Variants in DNASE1 observed in about 807,000 individuals in gnomAD.
DNASE1 encodes deoxyribonuclease 1, also known as deoxyribonuclease-1.
In DNASE1, 40 loss-of-function variants were observed where a neutral mutation model predicts 33.9. That is an observed-to-expected ratio of 1.18 (90% CI 0.92 to 1.54). The LOEUF (loss-of-function observed/expected upper bound fraction) is 1.54. Ranked by LOEUF, DNASE1 falls within the 40% of genes most tolerant of loss-of-function variation. DNASE1 has a pLI of 0.00. For synonymous variants in DNASE1, 216 were observed against 160.0 expected, an observed-to-expected ratio of 1.35 and a Z score of -2.64; for missense variants, 518 against 372.6, an observed-to-expected ratio of 1.39 and a Z score of -3.21.
intron 1 of DNASE1, 45 bp from the exon 2 acceptor site, chr16:3,655,328 T>G (rs1167943612): frequency 1.2e-6 from 2 of 1,612,124 alleles, no homozygotes; most frequent in Admixed American, 1.7e-5. Context: ...GTGGCAGGGA[T>G]GACGTCTCAC....
upstream of DNASE1, chr16:3,651,022 T>C (rs953664462): frequency 2.6e-5 from 4 of 152,214 alleles, no homozygotes; most frequent in Non-Finnish European, 5.9e-5. Flanking sequence ...TGTGAGTTCA[T>C]GGGGGTGCCT....
chr16:3,651,074 TCCCTCTTGATCAGTAGAAGGGTA>T (rs778933150), upstream of DNASE1: 17 of 152,320 alleles, frequency 1.1e-4, no homozygotes, highest in Non-Finnish European at 2.1e-4. Flanking sequence ...CTTCCCGCTT[TCCCTCTTGATCAGTAGAAGGGTA>T]CCCTCCCTGG....
chr16:3,624,421 T>C (rs2041433470), intron 1 of DNASE1, among the ~76,000 whole-genome samples: 1 of 152,252 alleles, frequency 6.6e-6, no homozygotes, highest in African/African-American at 2.4e-5. Context: ...AGGCACCTGG[T>C]GGTGCTCTAG....
At chr16:3,650,363 T>C (rs2042296316), upstream of DNASE1, among the ~76,000 whole-genome samples, 1 of 152,070 alleles carries the variant, frequency 6.6e-6, no homozygotes, top group Non-Finnish European at 1.5e-5. Flanking sequence ...ATAAGGCTAA[T>C]TTGTATTAAT....
chr16:3,661,711 G>A (rs2043086504), downstream of DNASE1: 1 of 379,532 alleles, frequency 2.6e-6, no homozygotes, highest in South Asian at 1.1e-4. Flanking sequence ...GCATGTCCAG[G>A]ACACGCACAG....
At chr16:3,655,987 C>G (rs1395499117) in intron 3 of DNASE1, 50 bp downstream of exon 3, 3 of 1,612,442 alleles carry the variant, frequency 1.9e-6, no homozygotes, top group South Asian at 1.1e-5. Flanking sequence ...GTCCACGGCA[C>G]AGCCTCACTT....
chr16:3,633,909 C>T lies in DNASE1; in HGVS notation c.-1358-6806C>T, dbSNP rs148010939. Among the ~76,000 whole-genome samples the T allele has an allele frequency of 4.0e-3, 612 of 151,894 alleles. 4 individuals carry two copies. The highest frequency in any genetic ancestry group is 0.014 in the African/African-American group (566 of 41,440). ...CTGCAAGCTCTGGATTCCGGATTCA[C>T]ACCATTCTCCTACCTCAGCCTCCCA... is the stretch of plus-strand genomic sequence containing the variant. On this transcript the variant is annotated intron_variant and NMD_transcript_variant, in intron 1 of 11. Transcript: ENST00000570769.
chr16:3,657,459 T>G, intron 7 of DNASE1, 118 bp downstream of exon 7: 1 of 1,403,410 alleles, frequency 7.1e-7, no homozygotes, highest in Non-Finnish European at 9.7e-7. Context: ...GAGCTTCAGT[T>G]GATCCACTAC....
In DNASE1 at chr16:3,664,385, G is replaced by A. The variant is rs555130426; in HGVS notation, c.*6432G>A. The A allele has an allele frequency of 3.5e-5, 56 of 1,612,342 alleles. 1 individual carries two copies. The East Asian group carries it at 4.9e-4, about 14-fold the overall frequency. ...GGGTGCCGGCCCGCATGCGGCTGGC[G>A]TATTCTGAGAGGCTGGTTAGCTGCC... On this transcript the variant is annotated 3_prime_UTR_variant, in exon 10 of 10. Transcript: ENST00000407479.
At chr16:3,616,841 C>T (rs2041120871) in intron 1 of DNASE1, among the ~76,000 whole-genome samples, 1 of 152,030 alleles carries the variant, frequency 6.6e-6, no homozygotes. Context: ...GAAATAAACC[C>T]TTATATTTAT....
chr16:3,612,617 C>G (rs2040934672), intron 1 of DNASE1, among the ~76,000 whole-genome samples: 1 of 149,596 alleles, frequency 6.7e-6, no homozygotes, highest in Non-Finnish European at 1.5e-5. Flanking sequence ...ACTATGTTGC[C>G]CAGGCTGGTC....
At chr16:3,664,543 G>A (rs1443728143) in exon 10 of DNASE1, 1 of 1,417,792 alleles carries the variant, frequency 7.1e-7, no homozygotes, top group Admixed American at 2.5e-5. Context: ...ACCCTCCGAT[G>A]CCCATGGCCT....
intron 1 of DNASE1, among the ~76,000 whole-genome samples, chr16:3,618,085 CAAAAAAAAAA>C (rs71392849): frequency 1.4e-3 from 151 of 104,186 alleles, no homozygotes; most frequent in African/African-American, 4.7e-3. Flanking sequence ...AAGCCAAGAC[CAAAAAAAAAA>C]AAAAAAAATG....
chr16:3,658,261 G>A, downstream of DNASE1: 1 of 1,533,646 alleles, frequency 6.5e-7, no homozygotes. Flanking sequence ...CCCATTATGA[G>A]GGGCATGGGG....
At chr16:3,639,400 CA>C (rs1162515489), upstream of DNASE1, among the ~76,000 whole-genome samples, 3 of 152,184 alleles carry the variant, frequency 2.0e-5, no homozygotes, top group African/African-American at 7.2e-5. Flanking sequence ...ACAGCACCCC[CA>C]CACCAACCCC....
At chr16:3,650,219 A>C (rs1310793904), upstream of DNASE1, among the ~76,000 whole-genome samples, 1 of 152,214 alleles carries the variant, frequency 6.6e-6, no homozygotes, top group Non-Finnish European at 1.5e-5. Flanking sequence ...ATCACCCAGT[A>C]GTGTCTTACT....
intron 1 of DNASE1, among the ~76,000 whole-genome samples, chr16:3,622,239 C>G (rs1274988990): frequency 1.3e-5 from 2 of 148,786 alleles, no homozygotes; most frequent in Non-Finnish European, 3.0e-5. Flanking sequence ...AAAACGGAGG[C>G]TGAATCAGTT....
chr16:3,662,976 G>T, downstream of DNASE1: 1 of 1,601,466 alleles, frequency 6.2e-7, no homozygotes, highest in South Asian at 1.1e-5. Flanking sequence ...GGCTGCGGAA[G>T]AGCAGGCGAC....
intron 1 of DNASE1, among the ~76,000 whole-genome samples, chr16:3,645,610 A>T (rs182426917): frequency 1.3e-4 from 20 of 152,312 alleles, no homozygotes; most frequent in Admixed American, 2.6e-4. Context: ...CTGAGCCAAC[A>T]TGCCGTGGTT....
Sources: allele counts gnomAD v4.1 joint callset (sites outside exome capture counted in the v4.1 genomes callset), GRCh38; gene constraint gnomAD v4.1.1; transcripts MANE v1.5; gene names NCBI Gene and HGNC (gene_info 2026-07-23, HGNC 2026-07-21).